PIM1: variants seen among roughly 807,000 people sequenced by gnomAD.
The protein encoded by PIM1 is Pim-1 proto-oncogene, serine/threonine kinase.
In PIM1, 9 loss-of-function variants were observed where a neutral mutation model predicts 34.5. The observed-to-expected ratio is 0.26, with a 90% CI of 0.16 to 0.46. The LOEUF (loss-of-function observed/expected upper bound fraction) is 0.46. Ranked by LOEUF, PIM1 falls within the 20% of genes least tolerant of loss-of-function variation. The probability of loss-of-function intolerance (pLI) is 1.00; values close to 1 mark genes in which losing one functional copy is unlikely to be tolerated. For synonymous variants in PIM1, 199 were observed against 175.2 expected, an observed-to-expected ratio of 1.14 and a Z score of -1.07; for missense variants, 274 against 410.9, an observed-to-expected ratio of 0.67 and a Z score of 2.88.
intron 4 of PIM1, 100 bp downstream of exon 4, chr6:37,171,591 C>T (rs974090407): frequency 5.7e-6 from 8 of 1,411,178 alleles, no homozygotes; most frequent in Non-Finnish European, 6.6e-6. Flanking sequence ...TTGTAAAGGT[C>T]ATTGGGCCGC....
intron 5 of PIM1, 33 bp from the exon 6 acceptor site, chr6:37,173,901 C>A: frequency 6.3e-7 from 1 of 1,583,022 alleles, no homozygotes; most frequent in South Asian, 1.2e-5. Context: ...CAAGTTGAGT[C>A]ATTCATAACC....
chr6:37,171,992 T>C (rs1426610501), intron 4 of PIM1, among the ~76,000 whole-genome samples: 3 of 152,184 alleles, frequency 2.0e-5, no homozygotes, highest in African/African-American at 4.8e-5. Flanking sequence ...CTTTTTTTTT[T>C]CTTTAGTGTT....
intron 2 of PIM1, 33 bp from the exon 3 acceptor site, chr6:37,170,948 C>A: frequency 6.2e-7 from 1 of 1,613,840 alleles, no homozygotes; most frequent in South Asian, 1.1e-5. Flanking sequence ...TTAGCCCGGA[C>A]GAGGGAACCT....
chr6:37,172,504 G>C, intron 4 of PIM1: 2 of 440,496 alleles, frequency 4.5e-6, no homozygotes, highest in South Asian at 1.6e-5. Context: ...TGCTTGCATC[G>C]GGTGGGGAGG....
In PIM1 at chr6:37,170,671, C is replaced by A. The variant is rs1198191779; in HGVS notation, c.82+14C>A. On this transcript the variant is annotated intron_variant, in intron 1 of 5. Transcript: ENST00000373509. ...AGCTGGCGCCCGGTGAGAGCACCCCCCGCCTCCGGCCCGGGGATGCGGGGC... is the reference window on the plus strand; with the variant it reads ...AGCTGGCGCCCGGTGAGAGCACCCCACGCCTCCGGCCCGGGGATGCGGGGC... The A allele has an allele frequency of 6.2e-7, 1 of 1,608,680 alleles. No individual in the cohort carries two copies. The highest frequency in any genetic ancestry group is 8.5e-7 in the Non-Finnish European group (1 of 1,177,990).
rs1762373873 is a variant in PIM1 at position 37,174,658 on chromosome 6, C to G, written c.*567C>G. On this transcript the variant is annotated 3_prime_UTR_variant, in exon 6 of 6. Coordinates refer to ENST00000373509, the MANE Select transcript of PIM1 (RefSeq NM_002648.4). ...TTTCTCTCCTGTCCTCCCTCACCCC[C>G]TCCTTCATATGAAAGGTGCCATGGA... is the stretch of plus-strand genomic sequence containing the variant. 1 of 233,764 alleles carries G rather than the reference C, an allele frequency of 4.3e-6. No homozygotes were observed. The allele number at this position is 233,764 out of a possible 1,614,324, so 14.5% of individuals were successfully genotyped here.
At chr6:37,172,603 C>A (rs891685268) in intron 4 of PIM1, 1 of 459,102 alleles carries the variant, frequency 2.2e-6, no homozygotes, top group African/African-American at 2.0e-5. Flanking sequence ...ACCCGGGCTC[C>A]TGGGCAGTGG....
In PIM1 at chr6:37,175,400, G is replaced by A. The variant is rs755907333; in HGVS notation, c.*1309G>A. On this transcript the variant is annotated 3_prime_UTR_variant, in exon 6 of 6. Transcript: ENST00000373509. The stretch of plus-strand genomic sequence containing the variant: ...TCTTATTTTTTTTTTTATACTTGGC[G>A]TTTTTTGAATAAAAACCTTTTGTCT... The A allele has an allele frequency of 9.6e-5, 22 of 230,014 alleles. No homozygotes were observed. In the South Asian group the frequency reaches 3.1e-3, roughly 33 times the overall value. 14.2% of individuals were successfully genotyped at this position (230,014 alleles called of 1,614,324 possible).
intron 3 of PIM1, 29 bp downstream of exon 3, chr6:37,171,060 G>T (rs977792397): frequency 6.2e-7 from 1 of 1,613,866 alleles, no homozygotes; most frequent in Admixed American, 1.7e-5. Flanking sequence ...CGACCCCCAG[G>T]ATGAGTGGGT....
Position 37,174,229 on chromosome 6 carries a change from A to C in PIM1, c.*138A>C. On this transcript the variant is annotated 3_prime_UTR_variant, in exon 6 of 6. Coordinates refer to ENST00000373509, the MANE Select transcript of PIM1 (RefSeq NM_002648.4). ...GATACAGGAACAACATTTACAACTC[A>C]TTCCAGATCCCAGGCCCCTGGAGGC... 5.9e-5 allele frequency: 50 copies of C among 846,716 alleles called. No individual in the cohort carries two copies. Among genetic ancestry groups the C allele is most frequent in the Non-Finnish European group, 7.9e-5 (44 of 560,154 alleles). The allele number at this position is 846,716 out of a possible 1,614,324, so 52.5% of individuals were successfully genotyped here.
chr6:37,171,052 A>G, intron 3 of PIM1, 21 bp downstream of exon 3: 1 of 1,613,450 alleles, frequency 6.2e-7, no homozygotes, highest in Non-Finnish European at 8.5e-7. Flanking sequence ...TGCAGGAGCG[A>G]CCCCCAGGAT....
At chr6:37,173,911 C>T in intron 5 of PIM1, 23 bp from the exon 6 acceptor site, 1 of 1,597,188 alleles carries the variant, frequency 6.3e-7, no homozygotes, top group Non-Finnish European at 8.5e-7. Context: ...CATTCATAAC[C>T]TCGTCTATCC....
Position 37,170,548 on chromosome 6 carries a change from T to C in PIM1, c.-28T>C. ...CCTGCGGCAGCTCCTCTGGGCACCG[T>C]CCCTGCGCCGACATCCTGGAGGTTG... On this transcript the variant is annotated 5_prime_UTR_variant, in exon 1 of 6. Transcript: ENST00000373509. 1 of 1,611,912 alleles carries C rather than the reference T, an allele frequency of 6.2e-7. No individual in the cohort carries two copies. The highest frequency in any genetic ancestry group is 8.5e-7 in the Non-Finnish European group (1 of 1,179,494).
chr6:37,173,104 A>G lies in PIM1; in HGVS notation c.716A>G (p.Asp239Gly), dbSNP rs1389606669. The G allele has an allele frequency of 6.2e-7, 1 of 1,613,968 alleles. No individual in the cohort carries two copies. The highest frequency in any genetic ancestry group is 8.5e-7 in the Non-Finnish European group (1 of 1,180,030). ...GILLYDMVCG[D>G]IPFEHDEEII... ...CTGCTGTATGATATGGTGTGTGGAG[A>G]TATTCCTTTCGAGCATGACGAAGAG... The change falls in exon 5 of 6, where the codon GAT becomes GGT. Residue 239 changes from aspartate (D) to glycine (G), a missense_variant. Around this residue, in one of 2 missense-constraint regions of PIM1, gnomAD observed 168 missense variants for 299.4 expected, o/e 0.56. Transcript: ENST00000373509.
At chr6:37,170,722 G>A (rs773284872) in intron 1 of PIM1, 51 bp from the exon 2 acceptor site, 2 of 1,606,258 alleles carry the variant, frequency 1.2e-6, no homozygotes, top group Non-Finnish European at 1.7e-6. Context: ...TGGGTGGGGA[G>A]CTGGCGGCTC....
In PIM1 at chr6:37,173,079, C is replaced by T. The variant is rs2113771788; in HGVS notation, c.691C>T (p.Leu231=). The T allele has an allele frequency of 1.2e-6, 2 of 1,614,108 alleles. No individual in the cohort carries two copies. The highest frequency in any genetic ancestry group is 8.5e-7 in the Non-Finnish European group (1 of 1,180,006). ...RSAAVWSLGI[L]LYDMVCGDIP... The stretch of plus-strand genomic sequence containing the variant: ...GGCGGCAGTCTGGTCCCTGGGGATC[C>T]TGCTGTATGATATGGTGTGTGGAGA... Residue 231 remains leucine, a synonymous_variant, in exon 5 of 6, where the codon CTG becomes TTG. Transcript: ENST00000373509.
At chr6:37,173,751 C>T (rs1026594375) in intron 5 of PIM1, among the ~76,000 whole-genome samples, 183 bp from the exon 6 acceptor site, 5 of 152,208 alleles carry the variant, frequency 3.3e-5, no homozygotes, top group Admixed American at 3.3e-4. Flanking sequence ...TGAAAGCAGA[C>T]TGGAGGACCC....
In PIM1 at chr6:37,171,083, G is replaced by A. The variant is rs1561983060; in HGVS notation, c.241-42G>A. The A allele has an allele frequency of 1.9e-6, 3 of 1,613,562 alleles. No individual in the cohort carries two copies. The South Asian group carries it at 3.3e-5, about 18-fold the overall frequency. ...AGGATGAGTGGGTGGGGTGAGGGGCGCCCCCGACTCCCGCCCTAACGCGGC... is the reference window on the plus strand; with the variant it reads ...AGGATGAGTGGGTGGGGTGAGGGGCACCCCCGACTCCCGCCCTAACGCGGC... On this transcript the variant is annotated intron_variant, in intron 3 of 5. Coordinates refer to ENST00000373509, the MANE Select transcript of PIM1 (RefSeq NM_002648.4).
At position 37,174,034 on chromosome 6, in the gene PIM1, G is replaced by T. The variant is rs1408292773; in HGVS notation, c.885G>T (p.Leu295=). The T allele has an allele frequency of 1.2e-6, 2 of 1,614,020 alleles. No individual in the cohort carries two copies. The highest frequency in any genetic ancestry group is 1.3e-5 in the African/African-American group (1 of 75,000). ...QNHPWMQDVL[L]PQETAEIHLH... ...ATCCATGGATGCAAGATGTTCTCCT[G>T]CCCCAGGAAACTGCTGAGATCCACC... Residue 295 remains leucine (L), a synonymous_variant, in exon 6 of 6, where the codon CTG becomes CTT. Coordinates refer to ENST00000373509, the MANE Select transcript of PIM1 (RefSeq NM_002648.4).
Sources: gnomAD v4.1 joint callset for allele counts (sites outside exome capture counted in the v4.1 genomes callset) on GRCh38, gnomAD v4.1.1 for gene constraint, gnomAD v4.1.1 regional missense constraint, MANE v1.5 for transcripts, NCBI Gene and HGNC (gene_info 2026-07-23, HGNC 2026-07-21) for gene names.